The following INPP5D variants were observed in gnomAD, a reference collection of about 807,000 sequenced individuals.
The protein encoded by INPP5D is phosphatidylinositol 3,4,5-trisphosphate 5-phosphatase 1.
INPP5D carries 33 observed loss-of-function variants against 122.9 expected under a neutral mutation model. The ratio of observed to expected loss-of-function variants is 0.27; its 90% confidence interval spans 0.20 to 0.36. The LOEUF is 0.36. INPP5D is among the 10% of genes least tolerant of loss of function. The pLI, the probability that INPP5D is intolerant of heterozygous loss-of-function variation, is 1.00. For synonymous variants in INPP5D, 584 were observed against 576.2 expected, an observed-to-expected ratio of 1.01 and a Z score of -0.19; for missense variants, 1,053 against 1,412.7, an observed-to-expected ratio of 0.75 and a Z score of 4.08.
intron 5 of INPP5D, 127 bp downstream of exon 5, chr2:233,130,775 G>T: frequency 1.0e-6 from 1 of 974,962 alleles, no homozygotes. Flanking sequence ...ATAATTGAGT[G>T]GTGAGCACAG....
In INPP5D at chr2:233,092,382, G is replaced by C. The variant is rs1443334571; in HGVS notation, c.198+12984G>C. 2.0e-5 allele frequency among the ~76,000 whole-genome samples: 3 copies of C among 152,032 alleles called. No homozygotes were observed. The East Asian group carries it at 5.8e-4, about 29-fold the overall frequency. ...AGCGTCTCAGGGATATGTAATTAAG[G>C]ATAAAAATATCCCTCATAGGCTCTG... On this transcript the variant is annotated intron_variant, in intron 2 of 26. Transcript: ENST00000445964.
chr2:233,162,715 G>A (rs1036029131), intron 11 of INPP5D, among the ~76,000 whole-genome samples: 3 of 152,220 alleles, frequency 2.0e-5, no homozygotes, highest in African/African-American at 7.2e-5. Context: ...GGGAGGAAGA[G>A]GGTGAGCAGT....
rs560194840 is a variant in INPP5D at position 233,130,666 on chromosome 2, G to A, written c.665+18G>A. 30 of 1,613,626 alleles carry A rather than the reference G, an allele frequency of 1.9e-5. No individual in the cohort carries two copies. The highest frequency in any genetic ancestry group is 2.4e-5 in the Non-Finnish European group (28 of 1,179,686). On this transcript the variant is annotated intron_variant, in intron 5 of 26. Transcript: ENST00000445964. ...CTCTATGGGTAATGGCTGGCCCACG[G>A]GGGCGGGCAGGTGGGGGCGGCCACC...
Position 233,158,296 on chromosome 2 carries a change from A to C in INPP5D, c.1031-17A>C, listed in dbSNP as rs548889799. ...AATGAGTGGATGAATGAATTAATGA[A>C]TTTCTTTTCTCTTAAGTCCTGCAGC... On this transcript the variant is annotated splice_polypyrimidine_tract_variant and intron_variant, in intron 9 of 26. Coordinates refer to ENST00000445964, the MANE Select transcript of INPP5D (RefSeq NM_001017915.3). 1 of 697,628 alleles carries C rather than the reference A, an allele frequency of 1.4e-6. No individual in the cohort carries two copies. The highest frequency in any genetic ancestry group is 2.1e-5 in the Admixed American group (1 of 48,560). The allele number at this position is 697,628 out of a possible 1,614,324, so 43.2% of individuals were successfully genotyped here.
intron 10 of INPP5D, 55 bp downstream of exon 10, chr2:233,158,474 G>A (rs1020107279): frequency 3.1e-5 from 21 of 667,706 alleles, no homozygotes; most frequent in Middle Eastern, 2.4e-4. Flanking sequence ...GGACACAAGC[G>A]TTTTGAGGCT....
chr2:233,169,421 C>T lies in INPP5D; in HGVS notation c.1652+20C>T, dbSNP rs149304203. 5 of 1,571,568 alleles carry T rather than the reference C, an allele frequency of 3.2e-6. No individual in the cohort carries two copies. In the East Asian group the frequency reaches 7.0e-5, roughly 22 times the overall value. On this transcript the variant is annotated intron_variant, in intron 14 of 26. Transcript: ENST00000445964. ...ACTCAGGTAATGGAACTCCTTCCCC[C>T]CAAGAGTGTGCATTTGGGCTGTCTG... is the stretch of plus-strand genomic sequence containing the variant.
intron 23 of INPP5D, 43 bp downstream of exon 23, chr2:233,194,004 C>T (rs771416145): frequency 2.0e-6 from 3 of 1,530,828 alleles, no homozygotes; most frequent in African/African-American, 1.4e-5. Flanking sequence ...CAGCCCCCCA[C>T]TTAGGGACGG....
At chr2:233,076,027 T>C (rs991961759) in intron 1 of INPP5D, among the ~76,000 whole-genome samples, 2 of 152,230 alleles carry the variant, frequency 1.3e-5, no homozygotes, top group African/African-American at 2.4e-5. Context: ...TCTGCCACAC[T>C]TGATTGAACC....
chr2:233,131,743 T>C (rs1434920124), intron 5 of INPP5D, among the ~76,000 whole-genome samples: 1 of 152,178 alleles, frequency 6.6e-6, no homozygotes, highest in South Asian at 2.1e-4. Context: ...ACATTTTGAT[T>C]GGAAAAATGG....
chr2:233,177,409 G>C lies in INPP5D; in HGVS notation c.2071+63G>C, dbSNP rs1694668108. 1.4e-5 allele frequency: 23 copies of C among 1,611,474 alleles called. No individual in the cohort carries two copies. The highest frequency in any genetic ancestry group is 5.9e-6 in the Non-Finnish European group (7 of 1,178,378). On this transcript the variant is annotated intron_variant, in intron 18 of 26. Transcript: ENST00000445964. This position sits in a 1 kb window ranked among gnomAD's most constrained non-coding sequence, Gnocchi z 4.2. ...AGAATGGCACCAAGCTGGGAGGTGT[G>C]ACTGCCCTAAAATCTAAGGGCTTCA...
chr2:233,061,594 A>G (rs370524402), intron 1 of INPP5D, among the ~76,000 whole-genome samples: 78 of 152,290 alleles, frequency 5.1e-4, no homozygotes, highest in African/African-American at 1.8e-3. Flanking sequence ...GAATTGGGTG[A>G]TGAACCCAGA....
chr2:233,150,284 A>G (rs950388974), intron 9 of INPP5D, among the ~76,000 whole-genome samples: 3 of 152,202 alleles, frequency 2.0e-5, no homozygotes, highest in African/African-American at 4.8e-5. Flanking sequence ...AATAAATCTC[A>G]TGAGATCTGA....
intron 2 of INPP5D, among the ~76,000 whole-genome samples, chr2:233,121,474 T>C (rs1351197203): frequency 6.6e-6 from 1 of 151,346 alleles, no homozygotes; most frequent in East Asian, 1.9e-4. Context: ...TTTCTAATTT[T>C]GCCATAATAT....
chr2:233,065,951 TAAAA>T (rs1553565240), intron 1 of INPP5D, among the ~76,000 whole-genome samples: 8 of 150,480 alleles, frequency 5.3e-5, no homozygotes, highest in East Asian at 2.0e-4. Context: ...GGCCTTTTTT[TAAAA>T]TTATTATTAT....
chr2:233,120,395 A>C (rs1461506869), intron 2 of INPP5D, among the ~76,000 whole-genome samples: 2 of 152,276 alleles, frequency 1.3e-5, no homozygotes, highest in Middle Eastern at 3.4e-3. Flanking sequence ...GAGGCCAGAA[A>C]ATTGCTTGAA....
chr2:233,061,930 G>T (rs1691087100), intron 1 of INPP5D, among the ~76,000 whole-genome samples: 1 of 152,222 alleles, frequency 6.6e-6, no homozygotes, highest in Admixed American at 6.5e-5. Flanking sequence ...TGGAAACCAA[G>T]CCAGGCTCGC....
intron 1 of INPP5D, among the ~76,000 whole-genome samples, chr2:233,073,501 A>G (rs943567675): frequency 6.6e-6 from 1 of 151,996 alleles, no homozygotes. Context: ...TTAGCCGAAC[A>G]TGGTGGCGGG....
In INPP5D at chr2:233,206,377, C is replaced by T. The variant is rs901658099; in HGVS notation, c.3568-329C>T. On this transcript the variant is annotated intron_variant, in intron 26 of 26. Transcript: ENST00000445964. This position sits in a 1 kb window ranked among gnomAD's most constrained non-coding sequence, Gnocchi z 4.0. ...ATATATTTTATATATATATATGGTA[C>T]GTACCTGGGTGTGGTGCCATGCACC... Among the ~76,000 whole-genome samples the T allele has an allele frequency of 2.6e-5, 4 of 151,298 alleles. No individual in the cohort carries two copies. Among genetic ancestry groups the T allele is most frequent in the African/African-American group, 7.3e-5 (3 of 41,084 alleles).
intron 2 of INPP5D, among the ~76,000 whole-genome samples, chr2:233,111,313 A>G (rs1318157556): frequency 2.0e-5 from 3 of 152,152 alleles, no homozygotes; most frequent in Non-Finnish European, 2.9e-5. Flanking sequence ...ATATACATCT[A>G]TTATTTACAT....
Sources: gnomAD v4.1 joint callset for allele counts (sites outside exome capture counted in the v4.1 genomes callset) on GRCh38, gnomAD v4.1.1 for gene constraint, Gnocchi (gnomAD v3.1) non-coding constraint, MANE v1.5 for transcripts, NCBI Gene and HGNC (gene_info 2026-07-23, HGNC 2026-07-21) for gene names.